The following RBFOX1 variants were observed in gnomAD, a reference collection of about 807,000 sequenced individuals.
The protein encoded by RBFOX1 is RNA binding protein fox-1 homolog 1.
RBFOX1 carries 8 observed loss-of-function variants against 57.7 expected under a neutral mutation model. The observed-to-expected ratio is 0.14, with a 90% CI of 0.08 to 0.25. RBFOX1 has a LOEUF of 0.25. Among genes scored for constraint, RBFOX1 ranks in the 10% least tolerant of loss-of-function variants. The pLI is 1.00. For synonymous variants in RBFOX1, 326 were observed against 222.4 expected, an observed-to-expected ratio of 1.47 and a Z score of -4.15; for missense variants, 611 against 548.5, an observed-to-expected ratio of 1.11 and a Z score of -1.14.
chr16:5,480,666 T>C (rs773432191), intron 2 of RBFOX1, among the ~76,000 whole-genome samples: 7 of 152,216 alleles, frequency 4.6e-5, no homozygotes, highest in Non-Finnish European at 1.0e-4. Flanking sequence ...ACATGTAGCC[T>C]TGAATATTTA....
chr16:6,739,896 C>A (rs4786117), intron 3 of RBFOX1, among the ~76,000 whole-genome samples: 146,680 of 152,202 alleles, frequency 0.96, 70,874 homozygotes, highest in East Asian at 1. Context: ...ACGTGGTGGT[C>A]CACATTCCAC....
intron 1 of RBFOX1, among the ~76,000 whole-genome samples, chr16:6,170,911 G>C (rs1202951922): frequency 6.6e-6 from 1 of 152,084 alleles, no homozygotes; most frequent in Non-Finnish European, 1.5e-5. Context: ...CTCTGCAAAG[G>C]ACATGATGTC....
intron 2 of RBFOX1, among the ~76,000 whole-genome samples, chr16:6,487,724 T>A (rs1288890044): frequency 4.6e-5 from 1 of 21,716 alleles, no homozygotes; most frequent in African/African-American, 1.1e-4. Flanking sequence ...TATATATATA[T>A]ATATATATAT....
intron 2 of RBFOX1, among the ~76,000 whole-genome samples, chr16:6,548,714 C>G (rs1035465236): frequency 6.6e-6 from 1 of 152,172 alleles, no homozygotes; most frequent in African/African-American, 2.4e-5. Flanking sequence ...AACTCTGATT[C>G]TCTCAGATCT....
intron 4 of RBFOX1, among the ~76,000 whole-genome samples, chr16:7,222,595 G>C (rs1001488285): frequency 3.3e-5 from 5 of 152,174 alleles, no homozygotes; most frequent in African/African-American, 1.2e-4. Flanking sequence ...TCCTGCCTGG[G>C]TTCAAATCTC....
chr16:7,692,681 G>C (rs1245332560), intron 14 of RBFOX1, among the ~76,000 whole-genome samples: 2 of 152,018 alleles, frequency 1.3e-5, no homozygotes, highest in Non-Finnish European at 2.9e-5. Context: ...TCTTAAGAGA[G>C]TTTTATCATC....
intron 4 of RBFOX1, among the ~76,000 whole-genome samples, chr16:7,163,719 C>T (rs2078867244): frequency 6.6e-6 from 1 of 152,074 alleles, no homozygotes; most frequent in African/African-American, 2.4e-5. Context: ...TGCAGTGGTG[C>T]AATCTCATCT....
intron 3 of RBFOX1, among the ~76,000 whole-genome samples, chr16:5,773,780 C>A (rs2054055316): frequency 6.6e-6 from 1 of 151,570 alleles, no homozygotes; most frequent in Non-Finnish European, 1.5e-5. Flanking sequence ...TCACTGCAAC[C>A]TCCATCTTCC....
At chr16:6,726,890 A>G (rs1040258039) in intron 3 of RBFOX1, among the ~76,000 whole-genome samples, 41 of 152,262 alleles carry the variant, frequency 2.7e-4, no homozygotes, top group African/African-American at 9.1e-4. Flanking sequence ...TGGCTGTGCT[A>G]TAAATGGCTG....
At chr16:5,475,968 C>T (rs886565446) in intron 2 of RBFOX1, among the ~76,000 whole-genome samples, 1 of 152,148 alleles carries the variant, frequency 6.6e-6, no homozygotes, top group African/African-American at 2.4e-5. Flanking sequence ...CTGTCTTGCT[C>T]CTCTGTCAGA....
intron 3 of RBFOX1, among the ~76,000 whole-genome samples, chr16:5,824,432 G>T (rs2055964726): frequency 6.6e-6 from 1 of 150,802 alleles, no homozygotes. Context: ...AGGCTATCTG[G>T]TGTCTCCATT....
intron 2 of RBFOX1, among the ~76,000 whole-genome samples, chr16:6,375,039 T>TGG (rs2090984356): frequency 6.6e-6 from 1 of 152,200 alleles, no homozygotes; most frequent in African/African-American, 2.4e-5. Flanking sequence ...TTTTTTACAT[T>TGG]TCCTGCTTGA....
chr16:7,018,590 C>G (rs994762155), intron 3 of RBFOX1, among the ~76,000 whole-genome samples: 5 of 151,998 alleles, frequency 3.3e-5, no homozygotes, highest in African/African-American at 1.2e-4. Context: ...TGGGTATTTA[C>G]CCAGTAATGG....
At chr16:6,230,670 A>G (rs2097452227) in intron 1 of RBFOX1, among the ~76,000 whole-genome samples, 1 of 152,308 alleles carries the variant, frequency 6.6e-6, no homozygotes, top group East Asian at 1.9e-4. Flanking sequence ...CTTCACGCAT[A>G]ACAATTCAAG....
chr16:6,384,478 C>T (rs536810746), intron 2 of RBFOX1, among the ~76,000 whole-genome samples: 1 of 152,186 alleles, frequency 6.6e-6, no homozygotes, highest in African/African-American at 2.4e-5. Flanking sequence ...AAGGCTTAAA[C>T]ATATTTCCTT....
At chr16:6,900,882 T>A (rs754352819) in intron 3 of RBFOX1, among the ~76,000 whole-genome samples, 1 of 152,230 alleles carries the variant, frequency 6.6e-6, no homozygotes, top group Non-Finnish European at 1.5e-5. Flanking sequence ...GAGCTACATA[T>A]GTCTTGTGAA....
At chr16:6,995,835 G>A (rs2092170208) in intron 3 of RBFOX1, among the ~76,000 whole-genome samples, 1 of 152,212 alleles carries the variant, frequency 6.6e-6, no homozygotes, top group South Asian at 2.1e-4. Context: ...ACTTGAGATT[G>A]GTTCAGATTT....
chr16:6,840,922 G>T (rs911713031), intron 3 of RBFOX1, among the ~76,000 whole-genome samples: 2 of 146,092 alleles, frequency 1.4e-5, no homozygotes, highest in Non-Finnish European at 3.0e-5. Flanking sequence ...AGGTTTGAGA[G>T]ACCCCTCACC....
At chr16:7,308,809 C>A (rs1170066320) in intron 4 of RBFOX1, among the ~76,000 whole-genome samples, 2 of 152,172 alleles carry the variant, frequency 1.3e-5, no homozygotes. Context: ...CATGCACCAG[C>A]CACGGTTATA....
Sources: gnomAD v4.1 joint callset for allele counts (sites outside exome capture counted in the v4.1 genomes callset) on GRCh38, gnomAD v4.1.1 for gene constraint, MANE v1.5 for transcripts, NCBI Gene and HGNC (gene_info 2026-07-23, HGNC 2026-07-21) for gene names.